The following FAF2 variants were observed in gnomAD, a reference collection of about 807,000 sequenced individuals.
FAF2 encodes the protein Fas associated factor family member 2, also known as FAS-associated factor 2.
Under a neutral mutation model 62.3 loss-of-function variants are expected in FAF2, and 9 were observed. The ratio of observed to expected loss-of-function variants is 0.14; its 90% CI spans 0.09 to 0.25. The LOEUF (loss-of-function observed/expected upper bound fraction) is 0.25. FAF2 is among the 10% of genes least tolerant of loss of function. The pLI is 1.00. For missense variants in FAF2, 368 were observed against 556.2 expected (o/e 0.66, Z 3.40); for synonymous variants, 202 against 198.0 (o/e 1.02, Z -0.17).
intron 2 of FAF2, among the ~76,000 whole-genome samples, chr5:176,482,024 A>T: frequency 6.6e-6 from 1 of 152,084 alleles, no homozygotes; most frequent in East Asian, 1.9e-4. Flanking sequence ...AACACTTGTT[A>T]ATATTTGTCT....
intron 2 of FAF2, among the ~76,000 whole-genome samples, chr5:176,485,428 G>A (rs1284451700): frequency 6.6e-6 from 1 of 152,190 alleles, no homozygotes; most frequent in Non-Finnish European, 1.5e-5. Flanking sequence ...TGTTGCAGCT[G>A]CAACCTAAAA....
intron 1 of FAF2, among the ~76,000 whole-genome samples, chr5:176,451,962 C>A (rs73328178): frequency 8.8e-6 from 1 of 113,746 alleles, no homozygotes; most frequent in Non-Finnish European, 1.7e-5. Context: ...AGTGCAGTGG[C>A]GTGATCATAG....
chr5:176,469,104 G>A (rs1758517554), intron 1 of FAF2, among the ~76,000 whole-genome samples: 1 of 151,992 alleles, frequency 6.6e-6, no homozygotes, highest in Non-Finnish European at 1.5e-5. Context: ...AATTAGCTGG[G>A]CGTGGTAGCA....
chr5:176,484,022 C>T (rs927994356), intron 2 of FAF2, among the ~76,000 whole-genome samples: 3 of 151,316 alleles, frequency 2.0e-5, no homozygotes, highest in Non-Finnish European at 4.4e-5. Flanking sequence ...TGCAGTGAGC[C>T]GAGATTGTAC....
chr5:176,493,468 G>A (rs192008363), intron 5 of FAF2, among the ~76,000 whole-genome samples: 47 of 152,316 alleles, frequency 3.1e-4, no homozygotes, highest in African/African-American at 7.9e-4. Context: ...AGTCTTCGGC[G>A]CTAGCCTTGT....
At chr5:176,506,555 G>T (rs1345421543) in intron 10 of FAF2, among the ~76,000 whole-genome samples, 1 of 152,182 alleles carries the variant, frequency 6.6e-6, no homozygotes, top group Non-Finnish European at 1.5e-5. Flanking sequence ...CTAGTGTTGG[G>T]CTTGTGTAAT....
intron 1 of FAF2, among the ~76,000 whole-genome samples, chr5:176,456,576 C>CA (rs1561815097): frequency 6.6e-6 from 1 of 151,908 alleles, no homozygotes. Flanking sequence ...AGCAGTCCAC[C>CA]CCTTGGCCTC....
At chr5:176,459,248 AC>A (rs1270878622) in intron 1 of FAF2, among the ~76,000 whole-genome samples, 2 of 128,666 alleles carry the variant, frequency 1.6e-5, no homozygotes, top group Admixed American at 8.1e-5. Context: ...ATTCCAGTTA[AC>A]CTTTTTTTTT....
At chr5:176,477,877 A>G (rs181491243) in intron 1 of FAF2, among the ~76,000 whole-genome samples, 1 of 152,314 alleles carries the variant, frequency 6.6e-6, no homozygotes, top group Admixed American at 6.5e-5. Flanking sequence ...CCATACTACT[A>G]CATTCTTGTC....
Position 176,482,220 on chromosome 5 carries a change from G to GTT in FAF2, c.132+2978_132+2979dup, listed in dbSNP as rs34956788. ...ATCTTTTTCATGTTGAGCTGTGAAA[G>GTT]TTTTTTTTTTTTTTTGAGATGAAGT... On this transcript the variant is annotated intron_variant, in intron 2 of 10. Coordinates refer to ENST00000261942, the MANE Select transcript of FAF2 (RefSeq NM_014613.3). Among the ~76,000 whole-genome samples, 1,345 of 141,970 alleles carry GTT rather than the reference G, an allele frequency of 9.5e-3. 8 individuals carry two copies. The highest frequency in any genetic ancestry group is 0.014 in the Non-Finnish European group (912 of 65,680). The allele number at this position is 141,970 out of a possible 152,430, so 93.1% of individuals were successfully genotyped here.
At chr5:176,451,950 G>C (rs1157856477) in intron 1 of FAF2, among the ~76,000 whole-genome samples, 3 of 110,786 alleles carry the variant, frequency 2.7e-5, no homozygotes, top group African/African-American at 1.0e-4. Flanking sequence ...TGCCCAGGCT[G>C]AAGTGCAGTG....
chr5:176,449,464 A>G (rs1220412594), intron 1 of FAF2, among the ~76,000 whole-genome samples: 4 of 151,934 alleles, frequency 2.6e-5, no homozygotes, highest in Non-Finnish European at 4.4e-5. Flanking sequence ...GGTCCCAGCT[A>G]CTCGGGAGGC....
intron 4 of FAF2, among the ~76,000 whole-genome samples, chr5:176,491,660 A>G (rs1175084182): frequency 6.6e-6 from 1 of 152,204 alleles, no homozygotes; most frequent in African/African-American, 2.4e-5. Flanking sequence ...ACTCTCTGTG[A>G]TGATAGAAAC....
intron 1 of FAF2, among the ~76,000 whole-genome samples, chr5:176,459,292 T>A (rs1173738454): frequency 1.5e-5 from 2 of 135,698 alleles, no homozygotes; most frequent in Non-Finnish European, 3.1e-5. Context: ...AGGGTCTCAC[T>A]CTGTTGCCCA....
chr5:176,449,866 A>G (rs1758134346), intron 1 of FAF2, among the ~76,000 whole-genome samples: 1 of 152,230 alleles, frequency 6.6e-6, no homozygotes, highest in African/African-American at 2.4e-5. Context: ...ACCTCATTTA[A>G]TACAGCAACC....
At chr5:176,467,153 T>G (rs1581471547) in intron 1 of FAF2, among the ~76,000 whole-genome samples, 1 of 113,792 alleles carries the variant, frequency 8.8e-6, no homozygotes, top group African/African-American at 3.3e-5. Context: ...TTTTTTTTTT[T>G]GGTCACTTGT....
intron 10 of FAF2, among the ~76,000 whole-genome samples, chr5:176,506,181 C>A (rs1342142071): frequency 7.4e-6 from 1 of 135,022 alleles, no homozygotes; most frequent in African/African-American, 2.8e-5. Flanking sequence ...GGCAACAGAG[C>A]GAGACTCTCT....
intron 10 of FAF2, among the ~76,000 whole-genome samples, chr5:176,505,423 C>T (rs1581078646): frequency 6.6e-6 from 1 of 152,268 alleles, no homozygotes; most frequent in Non-Finnish European, 1.5e-5. Context: ...AGGGCATTCC[C>T]ACAGACAGGA....
At chr5:176,455,028 G>A (rs931825772) in intron 1 of FAF2, among the ~76,000 whole-genome samples, 1 of 151,860 alleles carries the variant, frequency 6.6e-6, no homozygotes. Flanking sequence ...TCATCGATAC[G>A]AAAACTAAAT....
Sources: gnomAD v4.1 joint callset for allele counts (sites outside exome capture counted in the v4.1 genomes callset) on GRCh38, gnomAD v4.1.1 for gene constraint, MANE v1.5 for transcripts, NCBI Gene and HGNC (gene_info 2026-07-23, HGNC 2026-07-21) for gene names.